ZNF407: variants seen among roughly 807,000 people sequenced by gnomAD.
ZNF407 encodes the protein zinc finger protein 407.
A neutral mutation model predicts 131.2 loss-of-function variants in ZNF407; 17 were observed. The ratio of observed to expected loss-of-function variants is 0.13; its 90% CI spans 0.09 to 0.19. ZNF407 has a LOEUF of 0.19. ZNF407 is among the 10% of genes least tolerant of loss of function. The pLI, the probability that ZNF407 is intolerant of heterozygous loss-of-function variation, is 1.00. For synonymous variants in ZNF407, 1,156 were observed against 1,062.0 expected, an observed-to-expected ratio of 1.09 and a Z score of -1.72; for missense variants, 2,681 against 2,830.6, an observed-to-expected ratio of 0.95 and a Z score of 1.20.
intron 8 of ZNF407, among the ~76,000 whole-genome samples, chr18:74,924,922 C>T (rs572404930): frequency 1.3e-5 from 2 of 152,224 alleles, no homozygotes; most frequent in East Asian, 1.9e-4. Context: ...CTGGAAGACC[C>T]ACGGGTAGTG....
chr18:74,932,094 A>G (rs996554866), intron 8 of ZNF407, among the ~76,000 whole-genome samples: 2 of 152,188 alleles, frequency 1.3e-5, no homozygotes, highest in Admixed American at 1.3e-4. Flanking sequence ...AATATCTTCT[A>G]AAAGCTAGTT....
At chr18:75,012,418 GTA>G (rs1201958673) in intron 8 of ZNF407, among the ~76,000 whole-genome samples, 1 of 151,356 alleles carries the variant, frequency 6.6e-6, no homozygotes, top group Non-Finnish European at 1.5e-5. Context: ...TACACATAGT[GTA>G]TAGCAGGCTC....
At chr18:74,747,373 A>G (rs1366901461) in intron 3 of ZNF407, among the ~76,000 whole-genome samples, 1 of 152,162 alleles carries the variant, frequency 6.6e-6, no homozygotes, top group Non-Finnish European at 1.5e-5. Flanking sequence ...ATATGCTGAG[A>G]AAAGGAGAAT....
At chr18:74,761,473 T>C (rs1460920674) in intron 3 of ZNF407, among the ~76,000 whole-genome samples, 1 of 152,136 alleles carries the variant, frequency 6.6e-6, no homozygotes, top group East Asian at 1.9e-4. Context: ...TATTAATTGG[T>C]TTGATATTAC....
At chr18:75,033,280 G>A (rs932275737) in intron 8 of ZNF407, among the ~76,000 whole-genome samples, 3 of 148,768 alleles carry the variant, frequency 2.0e-5, no homozygotes, top group Admixed American at 6.7e-5. Flanking sequence ...GTAACTAAGC[G>A]TGCTCAGAAT....
At chr18:74,654,620 A>G (rs564344002) in intron 3 of ZNF407, among the ~76,000 whole-genome samples, 1 of 151,942 alleles carries the variant, frequency 6.6e-6, no homozygotes, top group Non-Finnish European at 1.5e-5. Flanking sequence ...AATGATAGAA[A>G]ACTATAAGTA....
At chr18:74,785,163 G>T (rs1193195955) in intron 4 of ZNF407, among the ~76,000 whole-genome samples, 2 of 151,802 alleles carry the variant, frequency 1.3e-5, no homozygotes, top group African/African-American at 4.8e-5. Context: ...TGTTTTTACT[G>T]GTGAATATTC....
At chr18:75,002,894 T>G (rs771973767) in intron 8 of ZNF407, among the ~76,000 whole-genome samples, 1 of 152,200 alleles carries the variant, frequency 6.6e-6, no homozygotes, top group African/African-American at 2.4e-5. Flanking sequence ...CGAAAGTGTT[T>G]TACAAATAAA....
intron 1 of ZNF407, among the ~76,000 whole-genome samples, chr18:74,598,912 C>T (rs10454725): frequency 0.057 from 8,687 of 152,284 alleles, 352 homozygotes; most frequent in Non-Finnish European, 0.08. Flanking sequence ...ATAGGACATC[C>T]CACATCCGTG....
chr18:74,851,851 A>C (rs114380540), intron 4 of ZNF407, among the ~76,000 whole-genome samples: 1,831 of 152,304 alleles, frequency 0.012, 41 homozygotes, highest in African/African-American at 0.042. Flanking sequence ...TTCTTGCTGG[A>C]ATGTTCGGCT....
At chr18:74,812,429 C>T (rs1359996013) in intron 4 of ZNF407, among the ~76,000 whole-genome samples, 1 of 152,096 alleles carries the variant, frequency 6.6e-6, no homozygotes, top group African/African-American at 2.4e-5. Context: ...TTGGTTTTCC[C>T]ATATTATTGT....
chr18:74,832,133 T>C (rs1970493823), intron 4 of ZNF407, among the ~76,000 whole-genome samples: 1 of 152,200 alleles, frequency 6.6e-6, no homozygotes, highest in African/African-American at 2.4e-5. Context: ...TGCTGGGTTC[T>C]TACACCTTGA....
intron 3 of ZNF407, among the ~76,000 whole-genome samples, chr18:74,689,859 G>C (rs1967179117): frequency 6.6e-6 from 1 of 152,180 alleles, no homozygotes; most frequent in Non-Finnish European, 1.5e-5. Flanking sequence ...TTGAGAGATA[G>C]GGCAGGACAG....
intron 3 of ZNF407, among the ~76,000 whole-genome samples, chr18:74,670,729 G>GC (rs754489881): frequency 5.9e-5 from 9 of 152,146 alleles, no homozygotes; most frequent in Non-Finnish European, 1.2e-4. Flanking sequence ...TTAGGCTGGA[G>GC]CACGGGGGCA....
At chr18:74,693,313 A>AG (rs1281809480) in intron 3 of ZNF407, among the ~76,000 whole-genome samples, 1 of 152,226 alleles carries the variant, frequency 6.6e-6, no homozygotes, top group African/African-American at 2.4e-5. Context: ...GGAGTGATAT[A>AG]GGTTTCTACA....
intron 3 of ZNF407, among the ~76,000 whole-genome samples, chr18:74,677,858 G>A (rs1966890476): frequency 6.6e-6 from 1 of 151,950 alleles, no homozygotes; most frequent in African/African-American, 2.4e-5. Context: ...GTTTCTCTCT[G>A]TTGCCTAGGC....
At chr18:74,808,707 C>T (rs1329651287) in intron 4 of ZNF407, among the ~76,000 whole-genome samples, 3 of 145,466 alleles carry the variant, frequency 2.1e-5, no homozygotes, top group Non-Finnish European at 4.7e-5. Flanking sequence ...GGATCAATTA[C>T]ATTTTTTTTA....
In ZNF407 at chr18:74,641,048, A is replaced by G. The variant is rs772588404; in HGVS notation, c.4728A>G (p.Thr1576=). The change falls in exon 3 of 9, where the codon ACA becomes ACG. Residue 1576 remains threonine, a synonymous_variant. Transcript: ENST00000299687. ...PFKCKICHFA[T]AQLGDARNHV... ...AGTGCAAGATATGCCATTTTGCAAC[A>G]GCTCAGCTTGGAGATGCCAGAAACC... 2 of 1,613,412 alleles carry G rather than the reference A, an allele frequency of 1.2e-6. No individual in the cohort carries two copies. Among genetic ancestry groups the G allele is most frequent in the Non-Finnish European group, 1.7e-6 (2 of 1,179,454 alleles).
Position 74,634,325 on chromosome 18 carries a change from A to C in ZNF407, c.3306A>C (p.Gln1102His), listed in dbSNP as rs748010613. Reference protein sequence around the residue: ...KNIIMPEEEHQQNSEEFQIIS... With the variant: ...KNIIMPEEEHHQNSEEFQIIS... ...TCATTATGCCTGAAGAAGAGCATCA[A>C]CAAAATTCTGAGGAATTTCAAATAA... The change falls in exon 2 of 9, where the codon CAA becomes CAC. Residue 1102 changes from glutamine (Q) to histidine (H), a missense_variant. Transcript: ENST00000299687. 1 of 1,614,016 alleles carries C rather than the reference A, an allele frequency of 6.2e-7. No homozygotes were observed.
Sources: allele counts gnomAD v4.1 joint callset (sites outside exome capture counted in the v4.1 genomes callset), GRCh38; gene constraint gnomAD v4.1.1; transcripts MANE v1.5; gene names NCBI Gene and HGNC (gene_info 2026-07-23, HGNC 2026-07-21).